SEC16A: variants seen among roughly 807,000 people sequenced by gnomAD.
SEC16A encodes protein transport protein Sec16A.
Under a neutral mutation model 221.9 loss-of-function variants are expected in SEC16A, and 110 were observed. The observed-to-expected ratio is 0.50, with a 90% CI of 0.42 to 0.58. The LOEUF (loss-of-function observed/expected upper bound fraction) is 0.58, where lower values mean the gene tolerates loss of function less well. SEC16A is among the 20% of genes least tolerant of loss of function. The probability of loss-of-function intolerance (pLI) is 0.00; values close to 1 mark genes in which losing one functional copy is unlikely to be tolerated. For synonymous variants in SEC16A, 1,393 were observed against 1,257.7 expected (o/e 1.11, Z -2.28); for missense variants, 3,165 against 3,097.8 (o/e 1.02, Z -0.52).
chr9:136,456,877 G>A (rs964625464), intron 18 of SEC16A, among the ~76,000 whole-genome samples: 1 of 152,204 alleles, frequency 6.6e-6, no homozygotes, highest in East Asian at 1.9e-4. Flanking sequence ...CTCAAAATAA[G>A]AATATCCTGG....
chr9:136,451,407 G>T lies in SEC16A; in HGVS notation c.6161C>A (p.Thr2054Asn), dbSNP rs780177096. Reference sequence around the variant, plus strand: ...CGAGTCTGGCACCGTCCTCGAGGGGGTCTGTCGCAAGGAAATGCAGAACAG... The same window carrying T: ...CGAGTCTGGCACCGTCCTCGAGGGGTTCTGTCGCAAGGAAATGCAGAACAG... ...ENFDGKFANL[T>N]PSRTVPDSEA... Residue 2054 changes from threonine (T) to asparagine (N), a missense_variant and splice_region_variant, in exon 23 of 32, where the codon ACC becomes AAC. Transcript: ENST00000684901. 3 of 1,598,184 alleles carry T rather than the reference G, an allele frequency of 1.9e-6. No homozygotes were observed. The highest frequency in any genetic ancestry group is 1.8e-5 in the Admixed American group (1 of 56,960).
intron 19 of SEC16A, 124 bp downstream of exon 19, chr9:136,455,928 GA>G (rs1838590457): frequency 5.1e-6 from 6 of 1,179,724 alleles, no homozygotes; most frequent in South Asian, 4.4e-5. Flanking sequence ...GGGAATTAGG[GA>G]ATTCTCATAG....
intron 28 of SEC16A, 136 bp downstream of exon 28, chr9:136,446,719 A>G: frequency 1.2e-6 from 1 of 829,374 alleles, no homozygotes; most frequent in Non-Finnish European, 1.8e-6. Flanking sequence ...TACCATACAT[A>G]AGTGTGAGGC....
At chr9:136,483,109 CT>C (rs1371619744), upstream of SEC16A, 31 of 778,138 alleles carry the variant, frequency 4.0e-5, no homozygotes, top group South Asian at 1.1e-3. Flanking sequence ...CGCCCCGCCC[CT>C]GGCCCCGCCC....
intron 3 of SEC16A, among the ~76,000 whole-genome samples, chr9:136,473,227 T>A (rs924557718): frequency 1.3e-5 from 2 of 152,256 alleles, no homozygotes; most frequent in Admixed American, 6.5e-5. Flanking sequence ...CAAGTCTGGT[T>A]CCAACTGGCC....
At chr9:136,464,843 C>T (rs973437818) in intron 8 of SEC16A, among the ~76,000 whole-genome samples, 2 of 152,348 alleles carry the variant, frequency 1.3e-5, no homozygotes, top group Non-Finnish European at 1.5e-5. Flanking sequence ...GCTCCTGCCA[C>T]GGTGCGTAAT....
rs370873951 is a variant in SEC16A at position 136,462,941 on chromosome 9, C to A, written c.4839G>T (p.Ser1613=). The change falls in exon 12 of 32, where the codon TCG becomes TCT. Residue 1613 remains serine (S), a synonymous_variant. Coordinates refer to ENST00000684901, the MANE Select transcript of SEC16A (RefSeq NM_014866.2). ...TGAACCTCTCGGTCTCTCTCTCGAGCGAGCTGGCGGCAGCCGCCGGACCAC... is the reference window on the plus strand; with the variant it reads ...TGAACCTCTCGGTCTCTCTCTCGAGAGAGCTGGCGGCAGCCGCCGGACCAC... The part of the protein sequence containing the change: ...LTGGPAAAAS[S]LERETERFRE... The A allele has an allele frequency of 6.2e-7, 1 of 1,605,374 alleles. No individual in the cohort carries two copies. The highest frequency in any genetic ancestry group is 1.1e-5 in the South Asian group (1 of 91,090).
chr9:136,464,282 G>T, intron 9 of SEC16A, 138 bp downstream of exon 9: 1 of 839,784 alleles, frequency 1.2e-6, no homozygotes, highest in Non-Finnish European at 1.7e-6. Flanking sequence ...CCTACAAATT[G>T]AAAATTCACA....
chr9:136,470,502 C>T (rs538938486), intron 4 of SEC16A, among the ~76,000 whole-genome samples: 6 of 152,354 alleles, frequency 3.9e-5, no homozygotes, highest in East Asian at 1.9e-4. Context: ...GGCTTTGAAT[C>T]GGAATATGAT....
chr9:136,463,080 A>G lies in SEC16A; in HGVS notation c.4700T>C (p.Val1567Ala), dbSNP rs770558819. The change falls in exon 12 of 32, where the codon GTG (valine) becomes GCG (alanine). Residue 1567 changes from valine to alanine, a missense_variant. Around this residue, in one of 3 missense-constraint regions of SEC16A, gnomAD observed 1,088 missense variants for 1,089.6 expected, o/e 1.00. Transcript: ENST00000684901. ...ATTGGGCGACTTCCCAGGAAGCCAC[A>G]CTGTTCTGTGGTCTCGTAACAGAAG... ...AELLLRDHRTVWLPGKSPNEA... is the reference protein window; with the variant it reads ...AELLLRDHRTAWLPGKSPNEA... 3 of 1,612,476 alleles carry G rather than the reference A, an allele frequency of 1.9e-6. No individual in the cohort carries two copies. The Admixed American group carries it at 5.0e-5, about 27-fold the overall frequency.
rs981114330 is a variant in SEC16A at position 136,447,097 on chromosome 9, A to C, written c.6697+130T>G. On this transcript the variant is annotated intron_variant, in intron 27 of 31. Coordinates refer to ENST00000684901, the MANE Select transcript of SEC16A (RefSeq NM_014866.2). This position sits in a 1 kb window ranked among gnomAD's most constrained non-coding sequence, Gnocchi z 5.5. ...CAAATCAAAAAAAAAACCACAAACC[A>C]ACCCCAGGCTCTCTGCATGCTGGCC... The C allele has an allele frequency of 8.3e-5, 125 of 1,511,438 alleles. 1 individual carries two copies. In the South Asian group the frequency reaches 1.5e-3, roughly 18 times the overall value. The allele number at this position is 1,511,438 out of a possible 1,614,324, so 93.6% of individuals were successfully genotyped here.
Position 136,459,098 on chromosome 9 carries a change from A to G in SEC16A, c.5409+36T>C, listed in dbSNP as rs1187066633. On this transcript the variant is annotated intron_variant, in intron 17 of 31. Transcript: ENST00000684901. The surrounding 1 kb of genome is among the most constrained non-coding windows in gnomAD (Gnocchi z 6.1). ...GCTTGTTAGCACTGAGTGCCTGCCCAGCCATGACAGCTGCAGGCTGGCAGC... is the reference window on the plus strand; with the variant it reads ...GCTTGTTAGCACTGAGTGCCTGCCCGGCCATGACAGCTGCAGGCTGGCAGC... 1.3e-6 allele frequency: 2 copies of G among 1,505,756 alleles called. No homozygotes were observed. The highest frequency in any genetic ancestry group is 2.8e-5 in the African/African-American group (2 of 72,162). The allele number at this position is 1,505,756 out of a possible 1,614,324, so 93.3% of individuals were successfully genotyped here. A position where few individuals can be genotyped will look rare whatever the true frequency, so the allele number is the denominator to read the frequency against.
In SEC16A at chr9:136,451,313, A is replaced by T; in HGVS notation, c.6255T>A (p.Ala2085=). The T allele has an allele frequency of 6.2e-7, 1 of 1,613,332 alleles. No homozygotes were observed. The highest frequency in any genetic ancestry group is 1.1e-5 in the South Asian group (1 of 90,954). The part of the protein sequence containing the change: ...PTQPPLSLSP[A]PETKRPGQAA... ...CCTGTCCGGGTCTCTTTGTTTCGGG[A>T]GCGGGTGAGAGAGACAGAGGTGGCT... The change falls in exon 23 of 32, where the codon GCT becomes GCA. Residue 2085 remains alanine (A), a synonymous_variant. Coordinates refer to ENST00000684901, the MANE Select transcript of SEC16A (RefSeq NM_014866.2).
intron 23 of SEC16A, 109 bp from the exon 24 acceptor site, chr9:136,448,270 G>T: frequency 1.2e-6 from 1 of 863,532 alleles, no homozygotes; most frequent in East Asian, 2.6e-5. Flanking sequence ...CCCCAGAGTC[G>T]CCAGATCCAC....
intron 12 of SEC16A, 58 bp from the exon 13 acceptor site, chr9:136,461,332 G>T (rs1371240628): frequency 2.4e-6 from 3 of 1,249,758 alleles, no homozygotes; most frequent in Non-Finnish European, 3.4e-6. Flanking sequence ...CGTGACATGA[G>T]TCAAGACAGG....
In SEC16A at chr9:136,474,256, A is replaced by G; in HGVS notation, c.3360T>C (p.Ser1120=). The G allele has an allele frequency of 1.2e-6, 2 of 1,608,702 alleles. No homozygotes were observed. Among genetic ancestry groups the G allele is most frequent in the South Asian group, 2.2e-5 (2 of 90,586 alleles). Residue 1120 remains serine (S), a synonymous_variant, in exon 3 of 32, where the codon TCT becomes TCC. Coordinates refer to ENST00000684901, the MANE Select transcript of SEC16A (RefSeq NM_014866.2). The part of the protein sequence containing the change: ...QQLPPRPPQS[S]SVSLVSSGSG... ...AGCCACTGGACACCAGAGACACGCTAGAGGACTGAGGAGGCCGAGGGGGCA... is the reference window on the plus strand; with the variant it reads ...AGCCACTGGACACCAGAGACACGCTGGAGGACTGAGGAGGCCGAGGGGGCA...
chr9:136,483,451 T>G, upstream of SEC16A: 131 of 205,810 alleles, frequency 6.4e-4, no homozygotes, highest in South Asian at 1.0e-3. Flanking sequence ...GCCCCGCCCC[T>G]CGGCCGTCCT....
At chr9:136,463,767 G>T in intron 9 of SEC16A, 27 bp from the exon 10 acceptor site, 1 of 1,610,600 alleles carries the variant, frequency 6.2e-7, no homozygotes, top group East Asian at 2.2e-5. Flanking sequence ...GTGGGTCAGT[G>T]GCAGCCAGTG....
intron 13 of SEC16A, among the ~76,000 whole-genome samples, chr9:136,460,814 A>C (rs550616336): frequency 5.3e-5 from 8 of 151,878 alleles, no homozygotes; most frequent in African/African-American, 1.9e-4. Flanking sequence ...TTGGGAGGCC[A>C]AGGCGTGAGG....
Sources: gnomAD v4.1 joint callset for allele counts (sites outside exome capture counted in the v4.1 genomes callset) on GRCh38, gnomAD v4.1.1 for gene constraint, gnomAD v4.1.1 regional missense constraint, Gnocchi (gnomAD v3.1) non-coding constraint, MANE v1.5 for transcripts, NCBI Gene and HGNC (gene_info 2026-07-23, HGNC 2026-07-21) for gene names.